Variants in RGS17 observed in about 807,000 individuals in gnomAD.
RGS17 encodes the protein regulator of G protein signaling 17.
In RGS17, 12 loss-of-function variants were observed where a neutral mutation model predicts 25.5. The observed-to-expected ratio is 0.47, with a 90% CI of 0.30 to 0.76. RGS17 has a LOEUF of 0.76. Among genes scored for constraint, RGS17 ranks in the 30% least tolerant of loss-of-function variants. The probability of loss-of-function intolerance (pLI) is 0.07; values close to 1 mark genes in which losing one functional copy is unlikely to be tolerated. For missense variants in RGS17, 196 were observed against 242.2 expected, an observed-to-expected ratio of 0.81 and a Z score of 1.27; for synonymous variants, 71 against 76.9, an observed-to-expected ratio of 0.92 and a Z score of 0.40.
intron 1 of RGS17, among the ~76,000 whole-genome samples, chr6:153,063,200 G>C (rs1776662501): frequency 6.6e-6 from 1 of 152,042 alleles, no homozygotes; most frequent in African/African-American, 2.4e-5. Context: ...GTTGATAGTT[G>C]TAGGAAAAAA....
At chr6:153,074,959 A>T (rs1304536227) in intron 1 of RGS17, among the ~76,000 whole-genome samples, 1 of 152,214 alleles carries the variant, frequency 6.6e-6, no homozygotes, top group East Asian at 1.9e-4. Flanking sequence ...GGTTTAGTGC[A>T]GTTCAGCATG....
intron 1 of RGS17, among the ~76,000 whole-genome samples, chr6:153,116,078 C>A (rs1021473559): frequency 5.3e-5 from 8 of 152,118 alleles, no homozygotes; most frequent in African/African-American, 1.9e-4. Context: ...CAAATGGGAT[C>A]TAATTAAACT....
At chr6:153,069,600 T>C (rs1391912963) in intron 1 of RGS17, among the ~76,000 whole-genome samples, 3 of 152,108 alleles carry the variant, frequency 2.0e-5, no homozygotes, top group African/African-American at 4.8e-5. Context: ...CATTTTAAAA[T>C]CACTAAAAGA....
At chr6:153,089,289 CAT>C (rs1212818570) in intron 1 of RGS17, among the ~76,000 whole-genome samples, 32 of 151,778 alleles carry the variant, frequency 2.1e-4, no homozygotes, top group African/African-American at 7.5e-4. Context: ...GGGAAGTAGA[CAT>C]ATGTGGTTTT....
At chr6:153,123,896 T>C (rs1363345900) in intron 1 of RGS17, among the ~76,000 whole-genome samples, 3 of 152,116 alleles carry the variant, frequency 2.0e-5, no homozygotes, top group Non-Finnish European at 4.4e-5. Flanking sequence ...TATGTACACA[T>C]TTTCTTTATT....
intron 1 of RGS17, among the ~76,000 whole-genome samples, chr6:153,063,375 C>T (rs1776664711): frequency 6.6e-6 from 1 of 151,920 alleles, no homozygotes; most frequent in African/African-American, 2.4e-5. Context: ...ATAAATTTAA[C>T]AAAGATAATG....
In RGS17 at chr6:153,107,527, T is replaced by G. The variant is rs1469916645; in HGVS notation, c.-26+23597A>C. 5.2e-5 allele frequency among the ~76,000 whole-genome samples: 7 copies of G among 134,682 alleles called. No individual in the cohort carries two copies. The Admixed American group carries it at 5.3e-4, about 10-fold the overall frequency. 88.4% of individuals were successfully genotyped at this position (134,682 alleles called of 152,430 possible). A position where few individuals can be genotyped will look rare whatever the true frequency, so the allele number is the denominator to read the frequency against. ...AACCAAATAAATTCTGTAATGAATGTTTTATGCTGTTTGTAAAAAAAAAAT... is the reference window on the plus strand; with the variant it reads ...AACCAAATAAATTCTGTAATGAATGGTTTATGCTGTTTGTAAAAAAAAAAT... On this transcript the variant is annotated intron_variant, in intron 1 of 4. Transcript: ENST00000206262.
intron 1 of RGS17, among the ~76,000 whole-genome samples, chr6:153,077,474 T>C (rs528770493): frequency 4.6e-5 from 7 of 152,348 alleles, no homozygotes; most frequent in East Asian, 1.9e-4. Flanking sequence ...ATGGCCTTTA[T>C]TCTTTGATAA....
intron 4 of RGS17, among the ~76,000 whole-genome samples, chr6:153,020,138 ATTTTTTTTTTTTTTTTTTT>A (rs35590788): frequency 2.5e-5 from 1 of 39,274 alleles, no homozygotes; most frequent in Non-Finnish European, 4.1e-5. Flanking sequence ...ATATATATAT[ATTTTTTTTTTTTTTTTTTT>A]TTTTTTTTTT....
intron 1 of RGS17, among the ~76,000 whole-genome samples, chr6:153,102,219 A>T (rs1403076099): frequency 6.6e-6 from 1 of 152,222 alleles, no homozygotes; most frequent in Non-Finnish European, 1.5e-5. Flanking sequence ...AGGAAATGGA[A>T]CATGACAGAG....
intron 1 of RGS17, among the ~76,000 whole-genome samples, chr6:153,049,326 T>C (rs1776430194): frequency 6.6e-6 from 1 of 152,096 alleles, no homozygotes; most frequent in African/African-American, 2.4e-5. Flanking sequence ...GTAATATTTA[T>C]AACAAAAATT....
chr6:153,120,115 T>C (rs1488261584), intron 1 of RGS17, among the ~76,000 whole-genome samples: 1 of 152,240 alleles, frequency 6.6e-6, no homozygotes, highest in Non-Finnish European at 1.5e-5. Context: ...GACTTGGATA[T>C]GCAGAATAGA....
At chr6:153,031,894 G>C (rs1779367483) in intron 2 of RGS17, among the ~76,000 whole-genome samples, 1 of 152,098 alleles carries the variant, frequency 6.6e-6, no homozygotes, top group African/African-American at 2.4e-5. Context: ...TGAACAAAAA[G>C]GAGTTGTTAT....
chr6:153,119,575 C>T (rs1271094389), intron 1 of RGS17, among the ~76,000 whole-genome samples: 1 of 152,082 alleles, frequency 6.6e-6, no homozygotes, highest in Non-Finnish European at 1.5e-5. Context: ...CACCTGTAAT[C>T]ACAGCTACTT....
intron 1 of RGS17, among the ~76,000 whole-genome samples, chr6:153,091,399 T>C (rs1777128915): frequency 6.6e-6 from 1 of 152,206 alleles, no homozygotes; most frequent in Admixed American, 6.5e-5. Context: ...AATGTCTTCA[T>C]TAATGGCTGT....
intron 1 of RGS17, among the ~76,000 whole-genome samples, chr6:153,067,622 A>G (rs1776729189): frequency 6.6e-6 from 1 of 152,192 alleles, no homozygotes; most frequent in South Asian, 2.1e-4. Flanking sequence ...AGATCTTTAT[A>G]AGGAAAATCA....
intron 1 of RGS17, among the ~76,000 whole-genome samples, chr6:153,052,796 C>T (rs565030911): frequency 6.6e-4 from 101 of 152,204 alleles, no homozygotes; most frequent in African/African-American, 2.2e-3. Flanking sequence ...TCCTCAAACA[C>T]ATATGTTGAA....
At chr6:153,030,670 T>C (rs2129107804) in intron 2 of RGS17, among the ~76,000 whole-genome samples, 1 of 152,328 alleles carries the variant, frequency 6.6e-6, no homozygotes, top group South Asian at 2.1e-4. Context: ...AATGAATTGG[T>C]AGATTATTCT....
At chr6:153,083,082 A>G (rs533348313) in intron 1 of RGS17, among the ~76,000 whole-genome samples, 2 of 152,214 alleles carry the variant, frequency 1.3e-5, no homozygotes, top group Admixed American at 6.5e-5. Context: ...TTTCACTTTT[A>G]CATTCATGGC....
Sources: gnomAD v4.1 joint callset for allele counts (sites outside exome capture counted in the v4.1 genomes callset) on GRCh38, gnomAD v4.1.1 for gene constraint, MANE v1.5 for transcripts, NCBI Gene and HGNC (gene_info 2026-07-23, HGNC 2026-07-21) for gene names.